GPR101: variants seen among roughly 807,000 people sequenced by gnomAD.
GPR101 encodes the protein G protein-coupled receptor 101.
Under a neutral mutation model 16.4 loss-of-function variants are expected in GPR101, and 8 were observed. The observed-to-expected ratio is 0.49, with a 90% CI of 0.29 to 0.88. GPR101 has a LOEUF of 0.88. Among genes scored for constraint, GPR101 ranks in the 40% least tolerant of loss-of-function variants. GPR101 has a pLI of 0.09. For missense variants in GPR101, 375 were observed against 411.7 expected (o/e 0.91, Z 0.77); for synonymous variants, 155 against 168.7 (o/e 0.92, Z 0.63).
Position 137,030,963 on chromosome X carries a change from C to T in GPR101, c.712G>A (p.Val238Ile), listed in dbSNP as rs139111924. Residue 238 changes from valine to isoleucine, a missense_variant, in exon 2 of 2, where the codon GTC (valine) becomes ATC (isoleucine). Physicochemically the swap from Val to Ile is conservative, Grantham distance 29. Transcript: ENST00000651716. ...NVKRHSLEVR[V>I]KDCVENEDEE... is the part of the protein sequence containing the mutation. ...TCCTCATTCTCCACACAGTCCTTGA[C>T]TCGCACTTCCAAGCTGTGTCTCTTG... 2.5e-3 allele frequency: 2,981 copies of T among 1,210,460 alleles called. 59 individuals are homozygous for T. In the African/African-American group the frequency reaches 0.045, roughly 18 times the overall value.
At position 137,027,572 on chromosome X, in the gene GPR101, G is replaced by A. The variant is rs1392568095; in HGVS notation, c.*2576C>T. ...TCATTTAGAAGAAAATGTCATCAAA[G>A]CAGAATGCTCTTAATTAAAAGGTCC... is the stretch of plus-strand genomic sequence containing the variant. On this transcript the variant is annotated 3_prime_UTR_variant, in exon 2 of 2. Coordinates refer to ENST00000651716, the MANE Select transcript of GPR101 (RefSeq NM_054021.2). 8.9e-6 allele frequency among the ~76,000 whole-genome samples: 1 copy of A among 112,311 alleles called. No homozygotes were observed. Among genetic ancestry groups the A allele is most frequent in the Non-Finnish European group, 1.9e-5 (1 of 53,262 alleles).
Position 137,027,068 on chromosome X carries a change from T to C in GPR101, c.*3080A>G. 9.2e-6 allele frequency among the ~76,000 whole-genome samples: 1 copy of C among 108,475 alleles called. No homozygotes were observed. Among genetic ancestry groups the C allele is most frequent in the Middle Eastern group, 4.6e-3 (1 of 216 alleles). 94.2% of individuals were successfully genotyped at this position (108,475 alleles called of 115,157 possible). A position where few individuals can be genotyped will look rare whatever the true frequency, so the allele number is the denominator to read the frequency against. On this transcript the variant is annotated 3_prime_UTR_variant, in exon 2 of 2. Transcript: ENST00000651716. The stretch of plus-strand genomic sequence containing the variant: ...AGAGGCCTTCCAAGCAGCTGGTACT[T>C]GTGGTGTCTCAGAGAAGTGGGACCC...
At chrX:137,032,155 TC>T (rs1240562902) in intron 1 of GPR101, among the ~76,000 whole-genome samples, 1 of 111,262 alleles carries the variant, frequency 9.0e-6, no homozygotes, top group Non-Finnish European at 1.9e-5. Context: ...TTTCTTTATC[TC>T]TCGGGTTGTG....
chrX:137,032,992 C>G, intron 1 of GPR101, among the ~76,000 whole-genome samples: 1 of 111,410 alleles, frequency 9.0e-6, no homozygotes, highest in Non-Finnish European at 1.9e-5. Flanking sequence ...TGGTTTTTCT[C>G]TGGCTGGATC....
rs766848144 is a variant in GPR101, at chrX:137,025,283, TTAAC to T, written c.*4861_*4864del. On this transcript the variant is annotated 3_prime_UTR_variant, in exon 2 of 2. Transcript: ENST00000651716. ...CACATAGAATTTGGCATGCATTTTA[TTAAC>T]TAACTTTACAAGTACATACTACCTT... is the stretch of plus-strand genomic sequence containing the variant. Among the ~76,000 whole-genome samples, 123 of 112,522 alleles carry T rather than the reference TTAAC, an allele frequency of 1.1e-3. No homozygotes were observed. The highest frequency in any genetic ancestry group is 3.5e-3 in the African/African-American group (109 of 30,907).
intron 1 of GPR101, among the ~76,000 whole-genome samples, chrX:137,032,180 C>G (rs1203582676): frequency 9.0e-6 from 1 of 111,033 alleles, no homozygotes; most frequent in Non-Finnish European, 1.9e-5. Context: ...CTGTATGTGT[C>G]TCACCGTTTC....
At position 137,029,683 on chromosome X, in the gene GPR101, T is replaced by C. The variant is rs1927219625; in HGVS notation, c.*465A>G. 8.9e-6 allele frequency among the ~76,000 whole-genome samples: 1 copy of C among 112,008 alleles called. No homozygotes were observed. Among genetic ancestry groups the C allele is most frequent in the South Asian group, 3.8e-4 (1 of 2,644 alleles). Reference sequence around the variant, plus strand: ...GTTGATCAGTCCATTAGGTTCTGTTTCTTGGGCTCCATGAATGATTTGGTC... The same window carrying C: ...GTTGATCAGTCCATTAGGTTCTGTTCCTTGGGCTCCATGAATGATTTGGTC... On this transcript the variant is annotated 3_prime_UTR_variant, in exon 2 of 2. Coordinates refer to ENST00000651716, the MANE Select transcript of GPR101 (RefSeq NM_054021.2).
rs1251870579 is a variant in GPR101, at chrX:137,025,340, T to A, written c.*4808A>T. ...AGGACAACACTATCTACAAACACAA[T>A]CTAATATCTAGCACCGTATCTCCAA... On this transcript the variant is annotated 3_prime_UTR_variant, in exon 2 of 2. Transcript: ENST00000651716. 8.9e-6 allele frequency among the ~76,000 whole-genome samples: 1 copy of A among 112,296 alleles called. No individual in the cohort carries two copies. Among genetic ancestry groups the A allele is most frequent in the Non-Finnish European group, 1.9e-5 (1 of 53,294 alleles).
rs1277845663 is a variant in GPR101, at chrX:137,025,222, A to G, written c.*4926T>C. ...AATAAATTTAAAAAACAAATGTACC[A>G]TGTTCTACATCAGAAACTGACTAAG... On this transcript the variant is annotated 3_prime_UTR_variant, in exon 2 of 2. Coordinates refer to ENST00000651716, the MANE Select transcript of GPR101 (RefSeq NM_054021.2). Among the ~76,000 whole-genome samples the G allele has an allele frequency of 2.7e-5, 3 of 112,447 alleles. No individual in the cohort carries two copies. The highest frequency in any genetic ancestry group is 6.5e-5 in the African/African-American group (2 of 30,892).
At chrX:137,032,573 G>C (rs900367987) in intron 1 of GPR101, among the ~76,000 whole-genome samples, 2 of 110,196 alleles carry the variant, frequency 1.8e-5, no homozygotes, top group African/African-American at 6.6e-5. Flanking sequence ...TAGCGCACCT[G>C]TTCAATGTCG....
intron 1 of GPR101, among the ~76,000 whole-genome samples, chrX:137,031,985 C>T (rs1927276672): frequency 9.0e-6 from 1 of 111,020 alleles, no homozygotes; most frequent in South Asian, 3.9e-4. Context: ...CCTGCTGGCG[C>T]GTGCGTGCGT....
rs1410739820 is a variant in GPR101, at chrX:137,026,768, C to T, written c.*3380G>A. ...CCTGTTGAATTTGAAGTAGGTATCC[C>T]GTCATCTCTAAATTGGATTGGAGTT... On this transcript the variant is annotated 3_prime_UTR_variant, in exon 2 of 2. Transcript: ENST00000651716. 1.8e-5 allele frequency among the ~76,000 whole-genome samples: 2 copies of T among 111,150 alleles called. No individual in the cohort carries two copies. The highest frequency in any genetic ancestry group is 3.8e-5 in the Non-Finnish European group (2 of 53,060).
chrX:137,033,461 G>A (rs182839952), intron 1 of GPR101, among the ~76,000 whole-genome samples: 2 of 109,184 alleles, frequency 1.8e-5, no homozygotes, highest in African/African-American at 6.7e-5. Flanking sequence ...GAGCGTGAGA[G>A]TGAGAGAGAA....
Position 137,030,182 on chromosome X carries a change from A to G in GPR101, c.1493T>C (p.Ile498Thr), listed in dbSNP as rs147687583. 6.7e-6 allele frequency: 8 copies of G among 1,193,062 alleles called. No individual in the cohort carries two copies. The highest frequency in any genetic ancestry group is 7.9e-6 in the Non-Finnish European group (7 of 887,575). ...PGTEGGTEGK[I>T]VPSYDSATFP is the part of the protein sequence containing the mutation. ...AGTAGCAGAATCGTAGGAAGGGACA[A>G]TCTTGCCTTCAGTCCCACCCTCTGT... Residue 498 changes from isoleucine to threonine, a missense_variant, in exon 2 of 2, where the codon ATT (isoleucine) becomes ACT (threonine). Physicochemically the swap from Ile to Thr is moderately conservative, Grantham distance 89. Coordinates refer to ENST00000651716, the MANE Select transcript of GPR101 (RefSeq NM_054021.2).
Position 137,027,269 on chromosome X carries a change from TTGTC to T in GPR101, c.*2875_*2878del, listed in dbSNP as rs777620574. ...AAATCACATCATTTCATAGTCTGGT[TTGTC>T]TGGCCCCTGTACTTTAATGGGATTT... On this transcript the variant is annotated 3_prime_UTR_variant, in exon 2 of 2. Transcript: ENST00000651716. 3.9e-5 allele frequency among the ~76,000 whole-genome samples: 4 copies of T among 101,692 alleles called. No individual in the cohort carries two copies. Among genetic ancestry groups the T allele is most frequent in the Non-Finnish European group, 7.9e-5 (4 of 50,841 alleles). 88.3% of individuals were successfully genotyped at this position (101,692 alleles called of 115,157 possible). A position where few individuals can be genotyped will look rare whatever the true frequency, so the allele number is the denominator to read the frequency against.
rs1345132131 is a variant in GPR101 at position 137,026,455 on chromosome X, C to A, written c.*3693G>T. Reference sequence around the variant, plus strand: ...CTTTTAAAAGCTTTTTTGGCAAAGTCTAAGTAAGCCTAGTTTAATCATGTA... The same window carrying A: ...CTTTTAAAAGCTTTTTTGGCAAAGTATAAGTAAGCCTAGTTTAATCATGTA... On this transcript the variant is annotated 3_prime_UTR_variant, in exon 2 of 2. Coordinates refer to ENST00000651716, the MANE Select transcript of GPR101 (RefSeq NM_054021.2). 1.8e-5 allele frequency among the ~76,000 whole-genome samples: 2 copies of A among 111,647 alleles called. No individual in the cohort carries two copies. The highest frequency in any genetic ancestry group is 6.5e-5 in the African/African-American group (2 of 30,652).
Position 137,030,629 on chromosome X carries a change from C to A in GPR101, c.1046G>T (p.Gly349Val), listed in dbSNP as rs1569454083. 2 of 1,211,535 alleles carry A rather than the reference C, an allele frequency of 1.7e-6. No homozygotes were observed. Among genetic ancestry groups the A allele is most frequent in the Non-Finnish European group, 2.2e-6 (2 of 895,373 alleles). ...TTCACCAAACTCCATGTCATCTTCA[C>A]CCAAGTCAATGCTGCACTGGTTGAC... is the stretch of plus-strand genomic sequence containing the variant. The part of the protein sequence containing the change: ...TEVNQCSIDL[G>V]EDDMEFGEDD... The change falls in exon 2 of 2, where the codon GGT becomes GTT. Residue 349 changes from glycine to valine, a missense_variant. Physicochemically the swap from Gly to Val is moderately radical, Grantham distance 109. Transcript: ENST00000651716.
intron 1 of GPR101, among the ~76,000 whole-genome samples, chrX:137,032,301 CTGTT>C (rs1481943026): frequency 4.5e-5 from 5 of 110,985 alleles, no homozygotes; most frequent in African/African-American, 9.9e-5. Flanking sequence ...CTCTTCCACT[CTGTT>C]TGTCACTCAG....
At position 137,031,522 on chromosome X, in the gene GPR101, C is replaced by A; in HGVS notation, c.153G>T (p.Val51=). 3 of 1,210,862 alleles carry A rather than the reference C, an allele frequency of 2.5e-6. No individual in the cohort carries two copies. Among genetic ancestry groups the A allele is most frequent in the Non-Finnish European group, 3.4e-6 (3 of 895,110 alleles). The change falls in exon 2 of 2, where the codon GTG becomes GTT. Residue 51 remains valine (V), a synonymous_variant. Coordinates refer to ENST00000651716, the MANE Select transcript of GPR101 (RefSeq NM_054021.2). ...FLAASFVGNI[V]LALVLQRKPQ... is the part of the protein sequence containing the mutation. Reference sequence around the variant, plus strand: ...GCTTGCGCTGCAACACTAGCGCCAGCACTATGTTGCCGACGAAAGAGGCGG... The same window carrying A: ...GCTTGCGCTGCAACACTAGCGCCAGAACTATGTTGCCGACGAAAGAGGCGG...
Sources: allele counts gnomAD v4.1 joint callset (sites outside exome capture counted in the v4.1 genomes callset), GRCh38; gene constraint gnomAD v4.1.1; transcripts MANE v1.5; gene names NCBI Gene and HGNC (gene_info 2026-07-23, HGNC 2026-07-21).